Variants in TSNARE1 observed in about 807,000 individuals in gnomAD.
The protein encoded by TSNARE1 is t-SNARE domain containing 1.
TSNARE1 carries 49 observed loss-of-function variants against 62.0 expected under a neutral mutation model. The ratio of observed to expected loss-of-function variants is 0.79; its 90% confidence interval spans 0.63 to 1.00. The LOEUF (loss-of-function observed/expected upper bound fraction) is 1.00, where lower values mean the gene tolerates loss of function less well. Among genes scored for constraint, TSNARE1 ranks in the 50% least tolerant of loss-of-function variants. The pLI is 0.00. For missense variants in TSNARE1, 755 were observed against 700.1 expected (o/e 1.08, Z -0.88); for synonymous variants, 328 against 294.4 (o/e 1.11, Z -1.17).
chr8:142,271,180 C>A, intron 12 of TSNARE1: 2 of 990,996 alleles, frequency 2.0e-6, no homozygotes, highest in Non-Finnish European at 2.4e-6. Flanking sequence ...CTCCAGCAGG[C>A]CCCTGGGCCA....
At chr8:142,245,165 G>T (rs1446237530) in intron 12 of TSNARE1, among the ~76,000 whole-genome samples, 1 of 152,194 alleles carries the variant, frequency 6.6e-6, no homozygotes, top group Non-Finnish European at 1.5e-5. Context: ...AAATCGAGGA[G>T]TCTGACAATA....
chr8:142,253,650 C>G (rs1407960672), intron 12 of TSNARE1, among the ~76,000 whole-genome samples: 1 of 152,242 alleles, frequency 6.6e-6, no homozygotes, highest in Non-Finnish European at 1.5e-5. Flanking sequence ...CGAGGTCACT[C>G]TGCCCTGACA....
At position 142,300,480 on chromosome 8, in the gene TSNARE1, C is replaced by A. The variant is rs776057108; in HGVS notation, c.1290+6G>T. The A allele has an allele frequency of 6.3e-7, 1 of 1,599,354 alleles. No individual in the cohort carries two copies. The highest frequency in any genetic ancestry group is 2.2e-5 in the East Asian group (1 of 44,772). ...GAGTGAGCACGCTTGCCCACGCCAG[C>A]CTCACCTCCATCTGCAGGATGGCCT... On this transcript the variant is annotated splice_donor_region_variant and intron_variant, in intron 10 of 13. Transcript: ENST00000524325.
intron 2 of TSNARE1, among the ~76,000 whole-genome samples, chr8:142,350,440 A>G (rs530544430): frequency 1.3e-5 from 2 of 152,374 alleles, no homozygotes; most frequent in South Asian, 4.1e-4. Context: ...TTTGACAACT[A>G]GAGGAATTAA....
chr8:142,314,442 T>C lies in TSNARE1; in HGVS notation c.1075-2A>G. 2 of 1,613,594 alleles carry C rather than the reference T, an allele frequency of 1.2e-6. No individual in the cohort carries two copies. Among genetic ancestry groups the C allele is most frequent in the Non-Finnish European group, 1.7e-6 (2 of 1,179,844 alleles). ...CGCTCTGGACTTTTCTGCAATTTTC[T>C]GTTGAAAAAAGGACAAGAGAAGAAA... On this transcript the variant is annotated splice_acceptor_variant, in intron 8 of 13. Coordinates refer to ENST00000524325, the MANE Select transcript of TSNARE1 (RefSeq NM_145003.5). LOFTEE classifies it high-confidence loss of function.
intron 4 of TSNARE1, among the ~76,000 whole-genome samples, chr8:142,334,284 C>T (rs576901397): frequency 2.0e-4 from 30 of 152,326 alleles, no homozygotes; most frequent in African/African-American, 4.3e-4. Flanking sequence ...TACTCTGGTT[C>T]GGGAGGCTGC....
chr8:142,343,976 C>T lies in TSNARE1; in HGVS notation c.735G>A (p.Glu245=). The change falls in exon 4 of 14, where the codon GAG becomes GAA. Residue 245 remains glutamate (E), a synonymous_variant. Coordinates refer to ENST00000524325, the MANE Select transcript of TSNARE1 (RefSeq NM_145003.5). The stretch of plus-strand genomic sequence containing the variant: ...GAGCAAGGAACTCACCTCTGGGCGG[C>T]TCCAGACTGAAGCCCTCGGAGGGCA... ...QALPSEGFSL[E]PPRATQVDPC... 4 of 1,533,206 alleles carry T rather than the reference C, an allele frequency of 2.6e-6. No homozygotes were observed. Among genetic ancestry groups the T allele is most frequent in the Non-Finnish European group, 3.5e-6 (4 of 1,139,158 alleles). The allele number at this position is 1,533,206 out of a possible 1,614,324, so 95.0% of individuals were successfully genotyped here. A position where few individuals can be genotyped will look rare whatever the true frequency, so the allele number is the denominator to read the frequency against.
At chr8:142,386,208 C>G (rs1485993021) in intron 1 of TSNARE1, among the ~76,000 whole-genome samples, 1 of 152,160 alleles carries the variant, frequency 6.6e-6, no homozygotes, top group African/African-American at 2.4e-5. Flanking sequence ...TGCCATGTAA[C>G]ATGACATGAT....
rs775513022 is a variant in TSNARE1 at position 142,344,110 on chromosome 8, C to A, written c.601G>T (p.Asp201Tyr). The A allele has an allele frequency of 6.2e-6, 10 of 1,611,164 alleles. No individual in the cohort carries two copies. Among genetic ancestry groups the A allele is most frequent in the Non-Finnish European group, 8.5e-6 (10 of 1,178,766 alleles). ...GGGCCATGGGCCGCCTTCCGGAGGTCGCCCAGCTTGCGCCGCACGACGGCT... is the reference window on the plus strand; with the variant it reads ...GGGCCATGGGCCGCCTTCCGGAGGTAGCCCAGCTTGCGCCGCACGACGGCT... The part of the protein sequence containing the change: ...LRAVVRRKLG[D>Y]LRKAAHGPSP... Residue 201 changes from aspartate to tyrosine, a missense_variant, in exon 4 of 14, where the codon GAC (aspartate) becomes TAC (tyrosine). Coordinates refer to ENST00000524325, the MANE Select transcript of TSNARE1 (RefSeq NM_145003.5).
chr8:142,379,305 C>T (rs1836563570), intron 1 of TSNARE1, among the ~76,000 whole-genome samples: 1 of 152,164 alleles, frequency 6.6e-6, no homozygotes, highest in African/African-American at 2.4e-5. Context: ...TCCTCCTAAC[C>T]CCCAGACTCA....
intron 4 of TSNARE1, among the ~76,000 whole-genome samples, 163 bp downstream of exon 4, chr8:142,343,803 A>AGGAGGAGGAGGAGGGGGGG (rs1563952697): frequency 3.0e-5 from 1 of 33,506 alleles, no homozygotes; most frequent in African/African-American, 3.3e-4. Context: ...GAGGGGGAGG[A>AGGAGGAGGAGGAGGGGGGG]GGAGGAGGAG....
intron 1 of TSNARE1, among the ~76,000 whole-genome samples, chr8:142,370,337 G>A (rs1377167697): frequency 6.6e-6 from 1 of 152,222 alleles, no homozygotes; most frequent in East Asian, 1.9e-4. Context: ...GGAAGGCCAA[G>A]GCAGGAACAT....
intron 4 of TSNARE1, among the ~76,000 whole-genome samples, chr8:142,341,060 C>T (rs1352055333): frequency 1.3e-5 from 2 of 152,200 alleles, no homozygotes; most frequent in East Asian, 3.9e-4. Flanking sequence ...CCGCCTGGGT[C>T]GGAAAAGGAG....
chr8:142,279,833 G>T (rs886737784), intron 11 of TSNARE1: 4 of 1,013,816 alleles, frequency 3.9e-6, no homozygotes, highest in South Asian at 6.2e-5. Flanking sequence ...GGTCCGGGGG[G>T]GCGGGCTGTG....
chr8:142,314,281 C>A, intron 9 of TSNARE1, 103 bp downstream of exon 9: 3 of 1,124,668 alleles, frequency 2.7e-6, no homozygotes, highest in Non-Finnish European at 1.3e-6. Context: ...TCAGATGACA[C>A]CCCTGCCCTT....
intron 1 of TSNARE1, among the ~76,000 whole-genome samples, chr8:142,363,226 G>A (rs78654166): frequency 0.028 from 4,272 of 152,264 alleles, 68 homozygotes; most frequent in East Asian, 0.069. Context: ...GAAGCAGCAG[G>A]GCCTGGTGAG....
chr8:142,214,148 G>C (rs957892896), intron 13 of TSNARE1, among the ~76,000 whole-genome samples: 1 of 152,198 alleles, frequency 6.6e-6, no homozygotes, highest in African/African-American at 2.4e-5. Context: ...CAAGGTCCAG[G>C]GAGCAGGCGA....
intron 6 of TSNARE1, among the ~76,000 whole-genome samples, chr8:142,329,922 C>T (rs1037878055): frequency 2.0e-5 from 3 of 152,258 alleles, no homozygotes; most frequent in Admixed American, 1.3e-4. Flanking sequence ...GTGTGGCAGG[C>T]GCCTGCGGAT....
Position 142,274,479 on chromosome 8 carries a change from G to A in TSNARE1, c.1446+302C>T, listed in dbSNP as rs540056147. Reference sequence around the variant, plus strand: ...GCATCTGGCACAGGAGGTGGAGCGGGAAGGCCCCAAGGGCCCTCCCCTCGG... The same window carrying A: ...GCATCTGGCACAGGAGGTGGAGCGGAAAGGCCCCAAGGGCCCTCCCCTCGG... On this transcript the variant is annotated intron_variant, in intron 12 of 13. Transcript: ENST00000524325. 5.1e-6 allele frequency: 5 copies of A among 985,496 alleles called. No homozygotes were observed. In the African/African-American group the frequency reaches 8.7e-5, roughly 17 times the overall value. The allele number at this position is 985,496 out of a possible 1,614,324, so 61.0% of individuals were successfully genotyped here.
Sources: allele counts gnomAD v4.1 joint callset (sites outside exome capture counted in the v4.1 genomes callset), GRCh38; gene constraint gnomAD v4.1.1; transcripts MANE v1.5; gene names NCBI Gene and HGNC (gene_info 2026-07-23, HGNC 2026-07-21).